The following DHTKD1 variants were observed in gnomAD, a reference collection of about 807,000 sequenced individuals.
DHTKD1 encodes the protein 2-oxoadipate dehydrogenase complex component E1.
A neutral mutation model predicts 101.8 loss-of-function variants in DHTKD1; 78 were observed. The ratio of observed to expected loss-of-function variants is 0.77; its 90% confidence interval spans 0.64 to 0.93. The LOEUF is 0.93. Among genes scored for constraint, DHTKD1 ranks in the 40% least tolerant of loss-of-function variants. The pLI, the probability that DHTKD1 is intolerant of heterozygous loss-of-function variation, is 0.00. For missense variants in DHTKD1, 1,223 were observed against 1,161.7 expected (o/e 1.05, Z -0.77); for synonymous variants, 462 against 450.3 (o/e 1.03, Z -0.33).
intron 10 of DHTKD1, among the ~76,000 whole-genome samples, chr10:12,105,251 G>A (rs1212989380): frequency 1.3e-5 from 2 of 152,088 alleles, no homozygotes; most frequent in African/African-American, 4.8e-5. Flanking sequence ...CAAATACGAT[G>A]TTAGAATAAT....
At chr10:12,099,248 C>T (rs892119410) in intron 8 of DHTKD1, among the ~76,000 whole-genome samples, 5 of 151,618 alleles carry the variant, frequency 3.3e-5, no homozygotes, top group Admixed American at 3.3e-4. Context: ...ACTATTACAA[C>T]AAACTATTAA....
intron 1 of DHTKD1, among the ~76,000 whole-genome samples, chr10:12,073,699 T>C (rs535447841): frequency 1.2e-3 from 176 of 152,136 alleles, no homozygotes; most frequent in Admixed American, 2.2e-3. Context: ...TGGCCCAGCT[T>C]GACTCAGCCT....
intron 1 of DHTKD1, among the ~76,000 whole-genome samples, chr10:12,081,025 G>C (rs1285336235): frequency 6.6e-6 from 1 of 152,018 alleles, no homozygotes; most frequent in Non-Finnish European, 1.5e-5. Context: ...TCTTGGCCGG[G>C]TGCGGTGGCT....
intron 4 of DHTKD1, 146 bp from the exon 5 acceptor site, chr10:12,088,840 C>T: frequency 5.5e-6 from 4 of 725,948 alleles, no homozygotes; most frequent in Non-Finnish European, 9.2e-6. Flanking sequence ...CCGTCTCAGC[C>T]TCCCAAAGTG....
intron 2 of DHTKD1, 152 bp from the exon 3 acceptor site, chr10:12,084,388 A>C: frequency 1.8e-6 from 1 of 566,144 alleles, no homozygotes; most frequent in Non-Finnish European, 3.1e-6. Context: ...TCATTACTGC[A>C]TATAACAAAA....
chr10:12,100,102 A>G (rs965190292), intron 8 of DHTKD1, 76 bp from the exon 9 acceptor site: 8 of 855,702 alleles, frequency 9.3e-6, no homozygotes, highest in African/African-American at 1.7e-5. Flanking sequence ...GGCCTGCATT[A>G]AATTTTTTGT....
In DHTKD1 at chr10:12,068,985, A is replaced by AT. The variant is rs1564385037; in HGVS notation, c.-48dup. 2 of 1,606,410 alleles carry AT rather than the reference A, an allele frequency of 1.2e-6. No individual in the cohort carries two copies. Among genetic ancestry groups the AT allele is most frequent in the Admixed American group, 3.4e-5 (2 of 59,640 alleles). On this transcript the variant is annotated 5_prime_UTR_variant, in exon 1 of 17. Transcript: ENST00000263035. ...TCCCGGATTTACCAGGGCCGGTGGG[A>AT]TCCCCTCGGGCTCCCGCCTTAGCAT... is the stretch of plus-strand genomic sequence containing the variant.
chr10:12,076,575 G>A (rs1002545031), intron 1 of DHTKD1, among the ~76,000 whole-genome samples: 1 of 152,178 alleles, frequency 6.6e-6, no homozygotes, highest in Non-Finnish European at 1.5e-5. Flanking sequence ...ACGTGCACCT[G>A]TAATCCCAGC....
intron 7 of DHTKD1, 121 bp downstream of exon 7, chr10:12,094,392 A>G: frequency 1.2e-6 from 1 of 858,856 alleles, no homozygotes; most frequent in Middle Eastern, 3.3e-4. Flanking sequence ...ATCTTGGCTC[A>G]CTGCCATCTC....
chr10:12,082,548 A>G (rs1052231386), intron 2 of DHTKD1, among the ~76,000 whole-genome samples: 1 of 151,718 alleles, frequency 6.6e-6, no homozygotes, highest in East Asian at 1.9e-4. Context: ...CTCAATGATC[A>G]TTTTAGTGTC....
At chr10:12,071,418 C>G (rs943408496) in intron 1 of DHTKD1, among the ~76,000 whole-genome samples, 1 of 152,138 alleles carries the variant, frequency 6.6e-6, no homozygotes, top group African/African-American at 2.4e-5. Context: ...ATGAGCAATC[C>G]ACCTTTATCT....
rs568807614 is a variant in DHTKD1 at position 12,103,987 on chromosome 10, G to A, written c.1897-2259G>A. Among the ~76,000 whole-genome samples the A allele has an allele frequency of 4.1e-4, 63 of 152,086 alleles. No individual in the cohort carries two copies. Among genetic ancestry groups the A allele is most frequent in the Non-Finnish European group, 6.9e-4 (47 of 68,028 alleles). ...TACCCTAGAAAGCAAGCCCATGCCC[G>A]TTAGCAGTCACTGCCCATTCCTTCC... On this transcript the variant is annotated intron_variant, in intron 10 of 16. Transcript: ENST00000263035. The surrounding 1 kb of genome is among the most constrained non-coding windows in gnomAD (Gnocchi z 4.8).
chr10:12,098,050 A>T, intron 8 of DHTKD1, 54 bp downstream of exon 8: 6 of 1,504,362 alleles, frequency 4.0e-6, no homozygotes, highest in Non-Finnish European at 5.4e-6. Context: ...TCAGCAAAGG[A>T]GCTGACGTTG....
chr10:12,091,754 C>A, intron 6 of DHTKD1, 70 bp downstream of exon 6: 1 of 1,359,418 alleles, frequency 7.4e-7, no homozygotes, highest in Non-Finnish European at 1.0e-6. Flanking sequence ...CTCTGGTGCA[C>A]ACAGAACAAT....
At chr10:12,076,203 T>C (rs866591763) in intron 1 of DHTKD1, among the ~76,000 whole-genome samples, 7 of 152,142 alleles carry the variant, frequency 4.6e-5, no homozygotes, top group Admixed American at 6.6e-5. Context: ...TATTGCCGAG[T>C]GCGGTGGCTC....
rs754560764 is a variant in DHTKD1, at chr10:12,120,787, C to T, written c.2659C>T (p.Leu887Phe). Residue 887 changes from leucine (L) to phenylalanine (F), a missense_variant and splice_region_variant, in exon 17 of 17, where the codon CTC becomes TTC. Coordinates refer to ENST00000263035, the MANE Select transcript of DHTKD1 (RefSeq NM_018706.7). The part of the protein sequence containing the change: ...PRFEKQLACK[L>F]RLVGRPPLPV... Reference sequence around the variant, plus strand: ...TATTTCTTCTCTGCTGCACTTATAGCTCCGTCTGGTGGGCCGGCCCCCTTT... The same window carrying T: ...TATTTCTTCTCTGCTGCACTTATAGTTCCGTCTGGTGGGCCGGCCCCCTTT... The T allele has an allele frequency of 2.5e-6, 4 of 1,613,840 alleles. No individual in the cohort carries two copies. Among genetic ancestry groups the T allele is most frequent in the Non-Finnish European group, 2.5e-6 (3 of 1,179,730 alleles).
intron 16 of DHTKD1, 46 bp from the exon 17 acceptor site, chr10:12,120,741 G>T (rs1430720590): frequency 1.3e-6 from 2 of 1,514,564 alleles, no homozygotes; most frequent in African/African-American, 1.4e-5. Flanking sequence ...GCAGAGCTCT[G>T]ATCTAGTCAA....
At chr10:12,086,678 C>T (rs1437095582) in intron 3 of DHTKD1, among the ~76,000 whole-genome samples, 2 of 152,012 alleles carry the variant, frequency 1.3e-5, no homozygotes, top group South Asian at 2.1e-4. Context: ...GACATACTGT[C>T]ACCATTCAGG....
rs1054103482 is a variant in DHTKD1, at chr10:12,122,924, C to T, written c.*2036C>T. The T allele has an allele frequency of 5.9e-5, 9 of 152,204 alleles. No homozygotes were observed. The highest frequency in any genetic ancestry group is 1.9e-4 in the African/African-American group (8 of 41,454). The allele number at this position is 152,204 out of a possible 1,614,324, so 9.4% of individuals were successfully genotyped here. ...AGGCCCTCTCTACTTTTACCAGCAA[C>T]TGATCATGTCTTTCAGAATCCATGT... On this transcript the variant is annotated 3_prime_UTR_variant, in exon 17 of 17. Transcript: ENST00000263035.
Sources: gnomAD v4.1 joint callset for allele counts (sites outside exome capture counted in the v4.1 genomes callset) on GRCh38, gnomAD v4.1.1 for gene constraint, Gnocchi (gnomAD v3.1) non-coding constraint, MANE v1.5 for transcripts, NCBI Gene and HGNC (gene_info 2026-07-23, HGNC 2026-07-21) for gene names.